VPS54: variants seen among roughly 807,000 people sequenced by gnomAD.
VPS54 encodes VPS54 subunit of GARP complex.
In VPS54, 45 loss-of-function variants were observed where a neutral mutation model predicts 121.5. That is an observed-to-expected ratio of 0.37 (90% CI 0.29 to 0.47). The LOEUF is 0.47. Among genes scored for constraint, VPS54 ranks in the 20% least tolerant of loss-of-function variants. VPS54 has a pLI of 0.99. For missense variants in VPS54, 1,090 were observed against 1,131.4 expected, an observed-to-expected ratio of 0.96 and a Z score of 0.52; for synonymous variants, 371 against 385.8, an observed-to-expected ratio of 0.96 and a Z score of 0.45.
chr2:63,959,857 C>T lies in VPS54; in HGVS notation c.1010+2201G>A, dbSNP rs1675672748. On this transcript the variant is annotated intron_variant, in intron 7 of 22. Transcript: ENST00000272322. ...CCAATATGGTGAAAACCTGTCTCTA[C>T]TAAAAATACAAAAATTAGCTGGGCA... is the stretch of plus-strand genomic sequence containing the variant. 2.0e-5 allele frequency among the ~76,000 whole-genome samples: 3 copies of T among 152,002 alleles called. No homozygotes were observed. In the South Asian group the frequency reaches 6.2e-4, roughly 32 times the overall value.
Position 63,972,239 on chromosome 2 carries a change from C to G in VPS54, c.384G>C (p.Glu128Asp), listed in dbSNP as rs758100804. 1.3e-6 allele frequency: 2 copies of G among 1,586,448 alleles called. No homozygotes were observed. Among genetic ancestry groups the G allele is most frequent in the East Asian group, 2.3e-5 (1 of 44,422 alleles). The change falls in exon 4 of 23, where the codon GAG (glutamate) becomes GAC (aspartate). Residue 128 changes from glutamate to aspartate, a missense_variant. Glu to Asp is a conservative substitution (Grantham distance 45). Transcript: ENST00000272322. ...TVYQQEISQR[E>D]KIHERCKNIC... ...TATTCTTGCATCTCTCATGAATCTT[C>G]TCTCTCTAATAAAAAGACAAATAAC...
intron 7 of VPS54, among the ~76,000 whole-genome samples, chr2:63,954,564 A>C (rs1267739057): frequency 6.6e-6 from 1 of 152,140 alleles, no homozygotes; most frequent in Non-Finnish European, 1.5e-5. Context: ...ATAAGTAAAG[A>C]AAGTGGGATA....
chr2:63,935,639 T>C (rs539461575), intron 11 of VPS54, among the ~76,000 whole-genome samples: 8 of 152,270 alleles, frequency 5.3e-5, no homozygotes, highest in African/African-American at 1.7e-4. Context: ...ATAAGCCCAC[T>C]TTCCAGCTTC....
intron 4 of VPS54, among the ~76,000 whole-genome samples, chr2:63,970,521 C>G (rs1387656789): frequency 6.6e-6 from 1 of 151,944 alleles, no homozygotes; most frequent in African/African-American, 2.4e-5. Flanking sequence ...TGTACTCACT[C>G]CTTAATATAT....
intron 1 of VPS54, among the ~76,000 whole-genome samples, chr2:64,018,353 T>C (rs1056028759): frequency 6.6e-6 from 1 of 152,116 alleles, no homozygotes; most frequent in African/African-American, 2.4e-5. Context: ...CAAGCCAAAG[T>C]TCCCAAGTCA....
At chr2:64,009,016 G>A (rs1203939946) in intron 1 of VPS54, among the ~76,000 whole-genome samples, 1 of 152,180 alleles carries the variant, frequency 6.6e-6, no homozygotes, top group Non-Finnish European at 1.5e-5. Context: ...CATTCAGTGA[G>A]TTAACTGTGA....
chr2:63,942,377 C>A, intron 11 of VPS54, 88 bp downstream of exon 11: 1 of 894,520 alleles, frequency 1.1e-6, no homozygotes. Context: ...GTGTTTTATT[C>A]TAGTTTGAGT....
intron 16 of VPS54, 119 bp from the exon 17 acceptor site, chr2:63,914,406 G>A: frequency 1.5e-6 from 1 of 689,340 alleles, no homozygotes; most frequent in East Asian, 2.6e-5. Flanking sequence ...TAATGACCTT[G>A]GTAACTATGT....
rs751397475 is a variant in VPS54, at chr2:63,919,976, G to A, written c.2071C>T (p.Arg691Cys). Reference protein sequence around the residue: ...TKLSLLLDNERWKQADVPAEF... With the variant: ...TKLSLLLDNECWKQADVPAEF... ...GCAGGAACATCTGCTTGCTTCCAGC[G>A]CTCATTGTCTAAGAGGAGGCTAGTC... Residue 691 changes from arginine (R) to cysteine (C), a missense_variant, in exon 15 of 23, where the codon CGC (arginine) becomes TGC (cysteine). Transcript: ENST00000272322. 2.3e-5 allele frequency: 37 copies of A among 1,610,960 alleles called. No homozygotes were observed. Among genetic ancestry groups the A allele is most frequent in the Non-Finnish European group, 2.5e-5 (30 of 1,178,156 alleles).
intron 15 of VPS54, among the ~76,000 whole-genome samples, 153 bp from the exon 16 acceptor site, chr2:63,917,116 TA>T (rs1184178996): frequency 1.3e-5 from 2 of 152,070 alleles, no homozygotes; most frequent in African/African-American, 2.4e-5. Context: ...ACACAGTAAA[TA>T]AAGTATACTG....
chr2:63,959,405 G>A (rs1315348530), intron 7 of VPS54, among the ~76,000 whole-genome samples: 1 of 152,102 alleles, frequency 6.6e-6, no homozygotes, highest in Non-Finnish European at 1.5e-5. Context: ...GGAAGTCAGA[G>A]ACTCAAGTTC....
chr2:63,895,357 G>C (rs1672403706), intron 22 of VPS54, among the ~76,000 whole-genome samples: 1 of 152,178 alleles, frequency 6.6e-6, no homozygotes, highest in Non-Finnish European at 1.5e-5. Flanking sequence ...GGGAGGCTGA[G>C]GCAGGAGAAT....
At chr2:63,979,104 C>T (rs1559035956) in intron 3 of VPS54, among the ~76,000 whole-genome samples, 1 of 151,700 alleles carries the variant, frequency 6.6e-6, no homozygotes, top group East Asian at 1.9e-4. Context: ...TGACTTTTAT[C>T]TTCTCTTTTT....
rs987500364 is a variant in VPS54 at position 63,979,027 on chromosome 2, T to G, written c.378+2619A>C. Among the ~76,000 whole-genome samples, 7 of 152,336 alleles carry G rather than the reference T, an allele frequency of 4.6e-5. No homozygotes were observed. In the South Asian group the frequency reaches 1.4e-3, roughly 32 times the overall value. On this transcript the variant is annotated intron_variant, in intron 3 of 22. Transcript: ENST00000272322. ...ACTGGCACAAAGTTATTCATAAAAT[T>G]TCATTATTAGGCTTTTAATCTCTGT...
In VPS54 at chr2:63,933,954, A is replaced by C. The variant is rs562522139; in HGVS notation, c.1458T>G (p.Thr486=). The C allele has an allele frequency of 6.2e-7, 1 of 1,613,554 alleles. No homozygotes were observed. The highest frequency in any genetic ancestry group is 1.3e-5 in the African/African-American group (1 of 74,996). Residue 486 remains threonine (T), a synonymous_variant, in exon 12 of 23, where the codon ACT becomes ACG. Coordinates refer to ENST00000272322, the MANE Select transcript of VPS54 (RefSeq NM_016516.3). ...GTTGTGAAATCTCTTCCAATTCTCT[A>C]GTCCTTTGGTTTTTGTCAAGAACTG... The part of the protein sequence containing the change: ...VLSVLDKNQR[T]RELEEISQQK...
At chr2:63,910,010 G>C (rs6704544) in intron 20 of VPS54, among the ~76,000 whole-genome samples, 14,788 of 152,110 alleles carry the variant, frequency 0.097, 1,199 homozygotes, top group African/African-American at 0.23. Context: ...TTACAGGCTT[G>C]AGCCACCGTG....
intron 20 of VPS54, among the ~76,000 whole-genome samples, chr2:63,909,419 T>A (rs1253754191): frequency 1.5e-5 from 2 of 132,438 alleles, no homozygotes; most frequent in Non-Finnish European, 3.2e-5. Context: ...CTGCCTTTTT[T>A]TTTTTTTTTT....
At chr2:63,959,858 TAAAAATAC>T (rs1216030264) in intron 7 of VPS54, among the ~76,000 whole-genome samples, 1 of 151,886 alleles carries the variant, frequency 6.6e-6, no homozygotes, top group Non-Finnish European at 1.5e-5. Context: ...CTGTCTCTAC[TAAAAATAC>T]AAAAATTAGC....
At chr2:63,911,198 T>C (rs959146329) in intron 20 of VPS54, among the ~76,000 whole-genome samples, 5 of 152,222 alleles carry the variant, frequency 3.3e-5, no homozygotes, top group Non-Finnish European at 7.3e-5. Context: ...ATAGAATTGC[T>C]TTTGAATGTA....
Sources: allele counts gnomAD v4.1 joint callset (sites outside exome capture counted in the v4.1 genomes callset), GRCh38; gene constraint gnomAD v4.1.1; transcripts MANE v1.5; gene names NCBI Gene and HGNC (gene_info 2026-07-23, HGNC 2026-07-21).